The following ZNF704 variants were observed in gnomAD, a reference collection of about 807,000 sequenced individuals.
ZNF704 encodes the protein glucocorticoid induced gene 1.
A neutral mutation model predicts 44.7 loss-of-function variants in ZNF704; 10 were observed. That is an observed-to-expected ratio of 0.22 (90% CI 0.14 to 0.38). The LOEUF is 0.38. ZNF704 is among the 10% of genes least tolerant of loss of function. The pLI, the probability that ZNF704 is intolerant of heterozygous loss-of-function variation, is 1.00. For synonymous variants in ZNF704, 211 were observed against 207.6 expected (o/e 1.02, Z -0.14); for missense variants, 390 against 545.5 (o/e 0.71, Z 2.84).
At chr8:80,744,194 A>G (rs1012870100) in intron 2 of ZNF704, among the ~76,000 whole-genome samples, 8 of 152,194 alleles carry the variant, frequency 5.3e-5, no homozygotes, top group Non-Finnish European at 1.0e-4. Context: ...GGTTAAATTT[A>G]TATTATTAAA....
At chr8:80,786,474 AAAG>A (rs1279896441) in intron 2 of ZNF704, among the ~76,000 whole-genome samples, 1 of 152,192 alleles carries the variant, frequency 6.6e-6, no homozygotes, top group African/African-American at 2.4e-5. Context: ...TTGGTTTGAA[AAAG>A]AAGATATTTA....
At chr8:80,792,254 C>A (rs1807721742) in intron 2 of ZNF704, among the ~76,000 whole-genome samples, 1 of 152,072 alleles carries the variant, frequency 6.6e-6, no homozygotes, top group Admixed American at 6.5e-5. Flanking sequence ...GGGAGTGTAA[C>A]TGCTGTTAGA....
chr8:80,831,049 C>G (rs571195787), intron 1 of ZNF704, among the ~76,000 whole-genome samples: 26 of 151,980 alleles, frequency 1.7e-4, no homozygotes, highest in African/African-American at 6.0e-4. Flanking sequence ...CCACTGCACC[C>G]GGCCTAGAGG....
intron 2 of ZNF704, among the ~76,000 whole-genome samples, chr8:80,721,578 A>G (rs1819167487): frequency 1.3e-5 from 2 of 152,214 alleles, no homozygotes; most frequent in South Asian, 4.1e-4. Context: ...TTTGGTTAAA[A>G]TTTTCAATTG....
In ZNF704 at chr8:80,700,677, G is replaced by A. The variant is rs555892041; in HGVS notation, c.222-7570C>T. 2.0e-5 allele frequency among the ~76,000 whole-genome samples: 3 copies of A among 152,276 alleles called. No homozygotes were observed. In the South Asian group the frequency reaches 6.2e-4, roughly 32 times the overall value. Reference sequence around the variant, plus strand: ...AACCCCTTCCTCAAAAGTGTGAGTTGGGGGTGATTAGATGAAGTAAGATGG... The same window carrying A: ...AACCCCTTCCTCAAAAGTGTGAGTTAGGGGTGATTAGATGAAGTAAGATGG... On this transcript the variant is annotated intron_variant, in intron 2 of 8. Coordinates refer to ENST00000327835, the MANE Select transcript of ZNF704 (RefSeq NM_001033723.3).
chr8:80,722,413 T>C (rs1186207043), intron 2 of ZNF704, among the ~76,000 whole-genome samples: 1 of 152,222 alleles, frequency 6.6e-6, no homozygotes, highest in African/African-American at 2.4e-5. Context: ...TCATGAAGAT[T>C]AACGAATACA....
chr8:80,836,087 G>C (rs1041921529), intron 1 of ZNF704, among the ~76,000 whole-genome samples: 1 of 151,950 alleles, frequency 6.6e-6, no homozygotes. Flanking sequence ...TAAAAATCAG[G>C]GTCAGATCAT....
At chr8:80,796,845 AAAG>A (rs1807809352) in intron 2 of ZNF704, among the ~76,000 whole-genome samples, 1 of 148,768 alleles carries the variant, frequency 6.7e-6, no homozygotes, top group African/African-American at 2.6e-5. Context: ...AGAAAAGAAA[AAAG>A]AAAGAAAAGA....
chr8:80,664,677 A>T, intron 6 of ZNF704, 138 bp downstream of exon 6: 1 of 1,052,748 alleles, frequency 9.5e-7, no homozygotes, highest in East Asian at 2.4e-5. Context: ...TTAGGCTTTA[A>T]AGGGAGAAAA....
intron 2 of ZNF704, among the ~76,000 whole-genome samples, chr8:80,798,192 C>T (rs1006518541): frequency 6.6e-6 from 1 of 152,070 alleles, no homozygotes; most frequent in Non-Finnish European, 1.5e-5. Context: ...GGCCTTTACA[C>T]ATGTTTCCAA....
intron 6 of ZNF704, among the ~76,000 whole-genome samples, chr8:80,661,951 T>A (rs887337431): frequency 2.0e-5 from 3 of 152,148 alleles, no homozygotes; most frequent in Non-Finnish European, 4.4e-5. Context: ...ACTGGAAATG[T>A]TCCCAACACA....
chr8:80,667,788 C>T lies in ZNF704; in HGVS notation c.660-2706G>A, dbSNP rs577511365. Among the ~76,000 whole-genome samples, 6 of 152,306 alleles carry T rather than the reference C, an allele frequency of 3.9e-5. No individual in the cohort carries two copies. The South Asian group carries it at 1.2e-3, about 32-fold the overall frequency. On this transcript the variant is annotated intron_variant, in intron 5 of 8. Coordinates refer to ENST00000327835, the MANE Select transcript of ZNF704 (RefSeq NM_001033723.3). ...GACTTCCTAGGTTCAAACCCTGACT[C>T]CTACACATTCTAGTTGTGTGCATGA...
intron 1 of ZNF704, among the ~76,000 whole-genome samples, chr8:80,827,133 T>C (rs1305926322): frequency 3.3e-5 from 5 of 152,154 alleles, no homozygotes; most frequent in South Asian, 4.1e-4. Context: ...GGAAGCCAAA[T>C]TGTCCCTGTT....
At chr8:80,859,812 C>T (rs562546048) in intron 1 of ZNF704, among the ~76,000 whole-genome samples, 49 of 152,112 alleles carry the variant, frequency 3.2e-4, no homozygotes, top group Admixed American at 4.6e-4. Flanking sequence ...AACAGAAAAG[C>T]GACACAGAGA....
intron 2 of ZNF704, among the ~76,000 whole-genome samples, chr8:80,818,826 T>C (rs1012243917): frequency 3.3e-5 from 5 of 152,202 alleles, no homozygotes; most frequent in Non-Finnish European, 5.9e-5. Flanking sequence ...TACATCTTCC[T>C]ACTGTATCAG....
chr8:80,694,149 T>C (rs1296046055), intron 2 of ZNF704: 1 of 152,056 alleles, frequency 6.6e-6, no homozygotes, highest in Admixed American at 6.6e-5. Context: ...CAACTAGGGG[T>C]GTTTGAACTC....
rs1817667278 is a variant in ZNF704 at position 80,636,686 on chromosome 8, C to T, written c.*4680G>A. 1 of 152,220 alleles carries T rather than the reference C, an allele frequency of 6.6e-6. No individual in the cohort carries two copies. Among genetic ancestry groups the T allele is most frequent in the Admixed American group, 6.5e-5 (1 of 15,282 alleles). The allele number at this position is 152,220 out of a possible 1,614,324, so 9.4% of individuals were successfully genotyped here. Reference sequence around the variant, plus strand: ...AGTTGACCCGTGTGCCCAGGGCATTCTCCAAAATGATTCACATTCTCATTC... The same window carrying T: ...AGTTGACCCGTGTGCCCAGGGCATTTTCCAAAATGATTCACATTCTCATTC... On this transcript the variant is annotated 3_prime_UTR_variant, in exon 9 of 9. Transcript: ENST00000327835.
At chr8:80,659,491 T>C (rs190259698) in intron 7 of ZNF704, 94 bp downstream of exon 7, 40 of 955,796 alleles carry the variant, frequency 4.2e-5, no homozygotes, top group South Asian at 2.0e-4. Context: ...ATTCTGATGT[T>C]TGTATTTTTC....
intron 7 of ZNF704, among the ~76,000 whole-genome samples, chr8:80,646,666 G>A (rs1817839803): frequency 6.6e-6 from 1 of 152,078 alleles, no homozygotes; most frequent in Non-Finnish European, 1.5e-5. Context: ...CATGTGTATA[G>A]ATACGCAGCT....
Sources: gnomAD v4.1 joint callset for allele counts (sites outside exome capture counted in the v4.1 genomes callset) on GRCh38, gnomAD v4.1.1 for gene constraint, MANE v1.5 for transcripts, NCBI Gene and HGNC (gene_info 2026-07-23, HGNC 2026-07-21) for gene names.